Variants in ADAMTS17 observed in about 807,000 individuals in gnomAD.
The protein encoded by ADAMTS17 is A disintegrin and metalloproteinase with thrombospondin motifs 17.
A neutral mutation model predicts 141.5 loss-of-function variants in ADAMTS17; 113 were observed. The observed-to-expected ratio is 0.80, with a 90% CI of 0.69 to 0.93. ADAMTS17 has a LOEUF of 0.93. Among genes scored for constraint, ADAMTS17 ranks in the 40% least tolerant of loss-of-function variants. The pLI, the probability that ADAMTS17 is intolerant of heterozygous loss-of-function variation, is 0.00. For missense variants in ADAMTS17, 1,659 were observed against 1,517.9 expected (o/e 1.09, Z -1.54); for synonymous variants, 768 against 630.6 (o/e 1.22, Z -3.27).
chr15:99,993,621 T>C lies in ADAMTS17; in HGVS notation c.2797-421A>G, dbSNP rs1529888. On this transcript the variant is annotated intron_variant, in intron 19 of 21. Coordinates refer to ENST00000268070, the MANE Select transcript of ADAMTS17 (RefSeq NM_139057.4). The surrounding 1 kb of genome is among the most constrained non-coding windows in gnomAD (Gnocchi z 4.3). ...AGCTGAGTCCCAGGCCCCAGATCTT[T>C]CCAGCTGGCCTCCAGGTGCACATGC... Among the ~76,000 whole-genome samples, 18,557 of 152,166 alleles carry C rather than the reference T, an allele frequency of 0.12. 3,482 individuals are homozygous for C. The highest frequency in any genetic ancestry group is 0.41 in the African/African-American group (16,818 of 41,474).
In ADAMTS17 at chr15:100,030,250, T is replaced by G. The variant is rs1158612180; in HGVS notation, c.2591+18607A>C. ...GGAAGGAAAACACGACTGAGCCATG[T>G]GCACGGTGTGGGCCAGGGCACGTTC... On this transcript the variant is annotated intron_variant, in intron 18 of 21. Transcript: ENST00000268070. 1.3e-5 allele frequency among the ~76,000 whole-genome samples: 2 copies of G among 152,230 alleles called. 1 individual carries two copies. The highest frequency in any genetic ancestry group is 6.3e-3 in the Middle Eastern group (2 of 316).
rs2039216650 is a variant in ADAMTS17 at position 100,152,487 on chromosome 15, T to C, written c.1473+125A>G. On this transcript the variant is annotated intron_variant, in intron 10 of 21. Transcript: ENST00000268070. ...GTGTGTGTGCATATACATGTATACC[T>C]GTGCTTGTGTGTGTATGTGCCTGTG... 9 of 1,267,964 alleles carry C rather than the reference T, an allele frequency of 7.1e-6. No homozygotes were observed. In the East Asian group the frequency reaches 2.1e-4, roughly 30 times the overall value. The allele number at this position is 1,267,964 out of a possible 1,614,324, so 78.5% of individuals were successfully genotyped here.
chr15:100,276,883 T>C (rs28641902), intron 4 of ADAMTS17, among the ~76,000 whole-genome samples: 2,777 of 152,172 alleles, frequency 0.018, 98 homozygotes, highest in African/African-American at 0.063. Context: ...AAACTAGGAT[T>C]TGAGGGATTG....
At chr15:100,307,198 G>C (rs1300181672) in intron 3 of ADAMTS17, among the ~76,000 whole-genome samples, 1 of 152,206 alleles carries the variant, frequency 6.6e-6, no homozygotes, top group Non-Finnish European at 1.5e-5. Flanking sequence ...CCAATGCTGT[G>C]TGATGACCAC....
In ADAMTS17 at chr15:99,974,143, A is replaced by G. The variant is rs1200093909; in HGVS notation, c.*259T>C. On this transcript the variant is annotated 3_prime_UTR_variant, in exon 22 of 22. Coordinates refer to ENST00000268070, the MANE Select transcript of ADAMTS17 (RefSeq NM_139057.4). ...TGTCTGCCAGAGGTGCTTCCCTTCG[A>G]GGTACCTGAAATCCTAGAAATTGAA... 1.8e-6 allele frequency: 1 copy of G among 542,430 alleles called. No homozygotes were observed. Among genetic ancestry groups the G allele is most frequent in the Non-Finnish European group, 3.3e-6 (1 of 300,792 alleles). The allele number at this position is 542,430 out of a possible 1,614,324, so 33.6% of individuals were successfully genotyped here.
chr15:100,233,010 T>C (rs11857875), intron 7 of ADAMTS17, among the ~76,000 whole-genome samples: 25,060 of 152,102 alleles, frequency 0.16, 2,775 homozygotes, highest in African/African-American at 0.31. Context: ...CTCTACCTAC[T>C]GCACAGATAA....
chr15:100,049,600 C>T (rs1406830365), intron 17 of ADAMTS17, among the ~76,000 whole-genome samples: 1 of 152,222 alleles, frequency 6.6e-6, no homozygotes, highest in Non-Finnish European at 1.5e-5. Context: ...TGTAGCCCTT[C>T]TTATAGGTGT....
chr15:100,098,242 C>T (rs1453954769), intron 14 of ADAMTS17, among the ~76,000 whole-genome samples: 1 of 151,700 alleles, frequency 6.6e-6, no homozygotes, highest in African/African-American at 2.4e-5. Context: ...CAGTAGTGAC[C>T]TGGAGGGAAG....
At chr15:100,317,771 C>T (rs895499965) in intron 3 of ADAMTS17, among the ~76,000 whole-genome samples, 2 of 152,194 alleles carry the variant, frequency 1.3e-5, no homozygotes, top group African/African-American at 4.8e-5. Context: ...GTTATGGTGA[C>T]AAGGTAGCCT....
intron 8 of ADAMTS17, among the ~76,000 whole-genome samples, chr15:100,171,167 C>A (rs904321827): frequency 6.6e-5 from 10 of 152,072 alleles, no homozygotes; most frequent in Non-Finnish European, 1.5e-5. Context: ...GTTGAGAGAG[C>A]CTGCTGCCTC....
chr15:100,064,220 C>A (rs1245526708), intron 15 of ADAMTS17, among the ~76,000 whole-genome samples: 1 of 152,172 alleles, frequency 6.6e-6, no homozygotes, highest in Non-Finnish European at 1.5e-5. Flanking sequence ...AGGAACGCCA[C>A]AGACTGCCAG....
intron 18 of ADAMTS17, among the ~76,000 whole-genome samples, chr15:100,000,703 G>A (rs920179359): frequency 2.0e-5 from 3 of 151,744 alleles, no homozygotes; most frequent in African/African-American, 4.9e-5. Flanking sequence ...TAGTAGAGAC[G>A]GGTTTCACCA....
chr15:100,261,727 A>G, intron 5 of ADAMTS17, 91 bp from the exon 6 acceptor site: 1 of 1,414,964 alleles, frequency 7.1e-7, no homozygotes, highest in East Asian at 2.5e-5. Flanking sequence ...AGGTGGAGGC[A>G]GTCACTCACT....
intron 8 of ADAMTS17, among the ~76,000 whole-genome samples, chr15:100,176,711 CAATCAAGA>C (rs1268011117): frequency 6.6e-6 from 1 of 152,174 alleles, no homozygotes; most frequent in Middle Eastern, 3.2e-3. Flanking sequence ...GTAACCACCA[CAATCAAGA>C]AACTTAACTG....
At chr15:100,247,934 G>C (rs2043036512) in intron 7 of ADAMTS17, among the ~76,000 whole-genome samples, 1 of 152,162 alleles carries the variant, frequency 6.6e-6, no homozygotes, top group South Asian at 2.1e-4. Context: ...CGGAAGGGCA[G>C]TGGGCACGTC....
At chr15:100,254,063 T>G in intron 7 of ADAMTS17, 73 bp downstream of exon 7, 5 of 1,462,258 alleles carry the variant, frequency 3.4e-6, no homozygotes, top group South Asian at 1.1e-5. Context: ...GCTCCTCCAC[T>G]GTGACCAGGA....
chr15:100,093,606 T>G (rs1383329759), intron 15 of ADAMTS17, among the ~76,000 whole-genome samples: 1 of 152,040 alleles, frequency 6.6e-6, no homozygotes, highest in African/African-American at 2.4e-5. Context: ...CAGCCTGAAG[T>G]GTCCTCCCCC....
chr15:100,217,720 C>G (rs758891135), intron 7 of ADAMTS17, among the ~76,000 whole-genome samples: 2 of 152,132 alleles, frequency 1.3e-5, no homozygotes, highest in Non-Finnish European at 2.9e-5. Context: ...ATTTTTTATG[C>G]TTCGGAAGAT....
At chr15:100,226,075 T>C (rs1241736607) in intron 7 of ADAMTS17, among the ~76,000 whole-genome samples, 1 of 149,846 alleles carries the variant, frequency 6.7e-6, no homozygotes, top group African/African-American at 2.5e-5. Flanking sequence ...ACGGTCTCTG[T>C]GCCCATTCAG....
Sources: allele counts gnomAD v4.1 joint callset (sites outside exome capture counted in the v4.1 genomes callset), GRCh38; gene constraint gnomAD v4.1.1; non-coding constraint Gnocchi (gnomAD v3.1); transcripts MANE v1.5; gene names NCBI Gene and HGNC (gene_info 2026-07-23, HGNC 2026-07-21).